SH3GL2: variants seen among roughly 807,000 people sequenced by gnomAD.
SH3GL2 encodes the protein SH3 domain containing GRB2 like 2, endophilin A1, also known as endophilin-A1.
In SH3GL2, 24 loss-of-function variants were observed where a neutral mutation model predicts 46.0. That is an observed-to-expected ratio of 0.52 (90% CI 0.38 to 0.73). SH3GL2 has a LOEUF of 0.73. SH3GL2 is among the 30% of genes least tolerant of loss of function. SH3GL2 has a pLI of 0.00. For synonymous variants in SH3GL2, 196 were observed against 147.1 expected (o/e 1.33, Z -2.40); for missense variants, 413 against 424.2 (o/e 0.97, Z 0.23).
At chr9:17,735,703 A>T in intron 1 of SH3GL2, 1 of 889,544 alleles carries the variant, frequency 1.1e-6, no homozygotes, top group Non-Finnish European at 1.3e-6. Flanking sequence ...ACTGAGGGAC[A>T]ACTCTGTTGG....
intron 1 of SH3GL2, among the ~76,000 whole-genome samples, chr9:17,738,576 A>ATACATATATACATAT (rs879840665): frequency 4.4e-5 from 1 of 22,844 alleles, no homozygotes; most frequent in Non-Finnish European, 1.1e-4. Context: ...ATATATATAT[A>ATACATATATACATAT]GAGAGAGAGA....
At chr9:17,672,087 G>A (rs1318823016) in intron 1 of SH3GL2, among the ~76,000 whole-genome samples, 6 of 152,148 alleles carry the variant, frequency 3.9e-5, no homozygotes, top group African/African-American at 1.4e-4. Context: ...GGAACTCAAT[G>A]TTTTGTTTTG....
chr9:17,773,542 C>G (rs1395757934), intron 3 of SH3GL2, among the ~76,000 whole-genome samples: 1 of 151,994 alleles, frequency 6.6e-6, no homozygotes, highest in Non-Finnish European at 1.5e-5. Flanking sequence ...CCATTTTTCC[C>G]AGCACCATTG....
At chr9:17,635,905 C>T (rs1819531216) in intron 1 of SH3GL2, among the ~76,000 whole-genome samples, 1 of 152,128 alleles carries the variant, frequency 6.6e-6, no homozygotes. Context: ...TTTCTCTCAC[C>T]TCCATTTATC....
chr9:17,732,397 G>A (rs1361269250), intron 1 of SH3GL2, among the ~76,000 whole-genome samples: 1 of 152,068 alleles, frequency 6.6e-6, no homozygotes, highest in Non-Finnish European at 1.5e-5. Flanking sequence ...GATCAAATTA[G>A]TATAGAGGTT....
chr9:17,747,835 G>C (rs988510609), intron 2 of SH3GL2, among the ~76,000 whole-genome samples: 1 of 151,856 alleles, frequency 6.6e-6, no homozygotes, highest in African/African-American at 2.4e-5. Flanking sequence ...CACCACGTCT[G>C]GCTAATTATT....
intron 1 of SH3GL2, among the ~76,000 whole-genome samples, chr9:17,634,731 C>T (rs1022999098): frequency 6.6e-6 from 1 of 152,170 alleles, no homozygotes; most frequent in Non-Finnish European, 1.5e-5. Flanking sequence ...TCAGTGAAAG[C>T]AGCACAGAAA....
chr9:17,627,431 AAGGC>A (rs1819309216), intron 1 of SH3GL2, among the ~76,000 whole-genome samples: 1 of 152,186 alleles, frequency 6.6e-6, no homozygotes, highest in Non-Finnish European at 1.5e-5. Flanking sequence ...TCTGGAAGTA[AAGGC>A]CTGAAACTGT....
intron 5 of SH3GL2, among the ~76,000 whole-genome samples, chr9:17,787,992 G>A (rs1417624211): frequency 6.6e-6 from 1 of 152,076 alleles, no homozygotes; most frequent in Non-Finnish European, 1.5e-5. Context: ...TTTCATAATG[G>A]TTGTTAGGAT....
At position 17,638,513 on chromosome 9, in the gene SH3GL2, G is replaced by A. The variant is rs1426854441; in HGVS notation, c.45+59226G>A. Among the ~76,000 whole-genome samples the A allele has an allele frequency of 3.9e-5, 6 of 152,338 alleles. No homozygotes were observed. The South Asian group carries it at 1.2e-3, about 32-fold the overall frequency. Reference sequence around the variant, plus strand: ...AAACCAAATGATGAGGTGAAGACTGGTTGGGAGTGATAGAAAATTATTTTG... The same window carrying A: ...AAACCAAATGATGAGGTGAAGACTGATTGGGAGTGATAGAAAATTATTTTG... On this transcript the variant is annotated intron_variant, in intron 1 of 8. Coordinates refer to ENST00000380607, the MANE Select transcript of SH3GL2 (RefSeq NM_003026.5).
At chr9:17,657,507 T>C (rs1820114756) in intron 1 of SH3GL2, among the ~76,000 whole-genome samples, 1 of 152,174 alleles carries the variant, frequency 6.6e-6, no homozygotes, top group East Asian at 1.9e-4. Flanking sequence ...ATTATTCCTT[T>C]AAGCAAGTCA....
intron 1 of SH3GL2, among the ~76,000 whole-genome samples, chr9:17,584,196 C>T (rs1462287015): frequency 6.6e-6 from 1 of 152,158 alleles, no homozygotes; most frequent in African/African-American, 2.4e-5. Flanking sequence ...CTGCCCCTTC[C>T]TCCCCTCGAA....
chr9:17,739,768 T>G (rs1389860218), intron 1 of SH3GL2, among the ~76,000 whole-genome samples: 1 of 152,186 alleles, frequency 6.6e-6, no homozygotes, highest in African/African-American at 2.4e-5. Context: ...CCCTCTATTA[T>G]AAATTTTTCC....
intron 3 of SH3GL2, among the ~76,000 whole-genome samples, chr9:17,784,769 G>A (rs1290083795): frequency 6.6e-6 from 1 of 152,150 alleles, no homozygotes; most frequent in East Asian, 1.9e-4. Flanking sequence ...CCAGAGTGGA[G>A]TGGCACCATC....
chr9:17,763,900 G>C (rs144074748), intron 3 of SH3GL2, among the ~76,000 whole-genome samples: 2 of 152,148 alleles, frequency 1.3e-5, no homozygotes, highest in Non-Finnish European at 2.9e-5. Context: ...TCATTTAGGT[G>C]TGAAGGGTCC....
At chr9:17,742,022 A>C (rs1822541263) in intron 1 of SH3GL2, among the ~76,000 whole-genome samples, 1 of 152,180 alleles carries the variant, frequency 6.6e-6, no homozygotes, top group Non-Finnish European at 1.5e-5. Context: ...GGTGGATGGT[A>C]AGGAAACCTG....
chr9:17,652,149 G>C (rs1325508507), intron 1 of SH3GL2, among the ~76,000 whole-genome samples: 1 of 151,944 alleles, frequency 6.6e-6, no homozygotes, highest in African/African-American at 2.4e-5. Flanking sequence ...TTAGTTATCA[G>C]CTAATTGTAA....
intron 3 of SH3GL2, among the ~76,000 whole-genome samples, chr9:17,782,136 A>G (rs552611135): frequency 3.9e-5 from 6 of 152,314 alleles, no homozygotes; most frequent in African/African-American, 9.6e-5. Flanking sequence ...TCAACCAGGC[A>G]GTGAAACTTC....
chr9:17,771,075 A>G (rs962536337), intron 3 of SH3GL2, among the ~76,000 whole-genome samples: 10 of 152,194 alleles, frequency 6.6e-5, no homozygotes, highest in African/African-American at 2.4e-4. Flanking sequence ...TCTATGTAGA[A>G]AACTAATACA....
Sources: allele counts gnomAD v4.1 joint callset (sites outside exome capture counted in the v4.1 genomes callset), GRCh38; gene constraint gnomAD v4.1.1; transcripts MANE v1.5; gene names NCBI Gene and HGNC (gene_info 2026-07-23, HGNC 2026-07-21).